SHANK2: variants seen among roughly 807,000 people sequenced by gnomAD.
The protein encoded by SHANK2 is SH3 and multiple ankyrin repeat domains 2.
SHANK2 carries 43 observed loss-of-function variants against 133.7 expected under a neutral mutation model. The observed-to-expected ratio is 0.32, with a 90% confidence interval of 0.25 to 0.41. SHANK2 has a LOEUF of 0.41. SHANK2 is among the 10% of genes least tolerant of loss of function. The pLI, the probability that SHANK2 is intolerant of heterozygous loss-of-function variation, is 1.00. For synonymous variants in SHANK2, 1,017 were observed against 952.8 expected (o/e 1.07, Z -1.24); for missense variants, 1,994 against 2,235.8 (o/e 0.89, Z 2.18).
chr11:70,928,883 T>C (rs562796060), intron 10 of SHANK2, among the ~76,000 whole-genome samples: 17 of 152,098 alleles, frequency 1.1e-4, no homozygotes, highest in African/African-American at 3.6e-4. Context: ...TGAAGAACGG[T>C]AGGGGGTGAC....
At chr11:71,219,883 G>A (rs1487939193) in intron 2 of SHANK2, among the ~76,000 whole-genome samples, 1 of 151,042 alleles carries the variant, frequency 6.6e-6, no homozygotes, top group Non-Finnish European at 1.5e-5. Context: ...GGGCAACAGA[G>A]CGAGACTCCA....
At chr11:70,600,282 G>A (rs1419083177) in intron 17 of SHANK2, among the ~76,000 whole-genome samples, 4 of 151,772 alleles carry the variant, frequency 2.6e-5, no homozygotes, top group East Asian at 1.9e-4. Flanking sequence ...AGCCGGGCGC[G>A]GTGGTGCAAA....
intron 15 of SHANK2, among the ~76,000 whole-genome samples, chr11:70,697,184 A>G (rs568921138): frequency 4.9e-4 from 74 of 152,218 alleles, no homozygotes; most frequent in Non-Finnish European, 1.0e-3. Flanking sequence ...CTGGAGCTGG[A>G]TGGTGGTGTT....
At chr11:70,788,894 T>C (rs535911834) in intron 14 of SHANK2, among the ~76,000 whole-genome samples, 1 of 152,122 alleles carries the variant, frequency 6.6e-6, no homozygotes, top group Non-Finnish European at 1.5e-5. Context: ...AGGAAACACA[T>C]GCCAGCCTCA....
At chr11:71,164,193 G>C (rs1953090658) in intron 2 of SHANK2, among the ~76,000 whole-genome samples, 1 of 152,168 alleles carries the variant, frequency 6.6e-6, no homozygotes, top group Non-Finnish European at 1.5e-5. Flanking sequence ...TGGCAGTCAA[G>C]ACTAGCCACT....
At chr11:70,653,098 G>T (rs952395673) in intron 17 of SHANK2, among the ~76,000 whole-genome samples, 1 of 150,724 alleles carries the variant, frequency 6.6e-6, no homozygotes, top group African/African-American at 2.4e-5. Flanking sequence ...CCAGCCTCCC[G>T]AGTAGCTGGG....
Position 70,684,256 on chromosome 11 carries a change from A to G in SHANK2, c.1853+14432T>C, listed in dbSNP as rs530382602. 3.0e-4 allele frequency among the ~76,000 whole-genome samples: 46 copies of G among 152,170 alleles called. 1 individual carries two copies. Among genetic ancestry groups the G allele is most frequent in the African/African-American group, 1.0e-3 (43 of 41,508 alleles). On this transcript the variant is annotated intron_variant, in intron 15 of 25. Transcript: ENST00000601538. ...TGAAAAATGGCTCCCAGAGCCTGAA[A>G]CCATGAAGGTTCAAAGGCACACTCC...
Position 71,118,886 on chromosome 11 carries a change from C to G in SHANK2, c.354G>C (p.Glu118Asp). The G allele has an allele frequency of 6.4e-7, 1 of 1,551,788 alleles. No individual in the cohort carries two copies. The highest frequency in any genetic ancestry group is 1.4e-5 in the African/African-American group (1 of 73,192). ...GTGGGTACTCGCGCAGGAGCCGCTC[C>G]TCATCCAGGAACTTGCCGTCACGCC... ...SNGRDGKFLD[E>D]ERLLREYPQP... Residue 118 changes from glutamate to aspartate, a missense_variant, in exon 4 of 26, where the codon GAG becomes GAC. Physicochemically the swap from Glu to Asp is conservative, Grantham distance 45 (BLOSUM62 2). Transcript: ENST00000601538.
chr11:70,661,750 G>A lies in SHANK2; in HGVS notation c.1854-72C>T, dbSNP rs368374581. ...TCATCACCGCGGCCGCTCCTCCGCC[G>A]GGGACGTTCATCATCATAGCCAATT... On this transcript the variant is annotated intron_variant, in intron 15 of 25. Transcript: ENST00000601538. 8.7e-6 allele frequency: 14 copies of A among 1,613,916 alleles called. No homozygotes were observed. In the South Asian group the frequency reaches 1.3e-4, roughly 15 times the overall value.
intron 1 of SHANK2, among the ~76,000 whole-genome samples, chr11:71,243,585 C>A (rs1258574344): frequency 1.3e-5 from 2 of 152,100 alleles, no homozygotes; most frequent in African/African-American, 2.4e-5. Context: ...GTGCCAGCTA[C>A]TCGGGAGGCT....
intron 2 of SHANK2, among the ~76,000 whole-genome samples, chr11:71,194,266 G>A (rs1348031375): frequency 1.3e-5 from 2 of 152,150 alleles, no homozygotes; most frequent in East Asian, 3.9e-4. Flanking sequence ...AGTTACTCAC[G>A]GGGACAACTA....
intron 2 of SHANK2, among the ~76,000 whole-genome samples, chr11:71,180,722 T>C (rs1273515114): frequency 6.6e-6 from 1 of 152,100 alleles, no homozygotes; most frequent in Non-Finnish European, 1.5e-5. Context: ...CCAATGTGGA[T>C]CAAATGAATT....
intron 22 of SHANK2, among the ~76,000 whole-genome samples, chr11:70,490,638 T>C (rs2058873280): frequency 1.3e-5 from 2 of 152,380 alleles, no homozygotes; most frequent in Admixed American, 1.3e-4. Context: ...CAGCATGCCC[T>C]GTTCCATGGA....
intron 3 of SHANK2, among the ~76,000 whole-genome samples, chr11:71,131,437 C>T (rs1307726306): frequency 6.6e-6 from 1 of 152,146 alleles, no homozygotes; most frequent in African/African-American, 2.4e-5. Flanking sequence ...GCTGTGGATT[C>T]GTTTTTCCAA....
intron 11 of SHANK2, among the ~76,000 whole-genome samples, chr11:70,821,361 C>A (rs570752844): frequency 2.0e-5 from 3 of 152,124 alleles, no homozygotes; most frequent in Non-Finnish European, 4.4e-5. Flanking sequence ...ACCAGCCCTG[C>A]GATGCCCTGA....
intron 17 of SHANK2, among the ~76,000 whole-genome samples, chr11:70,521,184 G>T (rs1416107993): frequency 6.6e-6 from 1 of 152,104 alleles, no homozygotes; most frequent in Non-Finnish European, 1.5e-5. Flanking sequence ...CTTTCTCTTT[G>T]CTGAAAATCT....
At chr11:70,854,297 T>C (rs1034726660) in intron 11 of SHANK2, among the ~76,000 whole-genome samples, 2 of 152,226 alleles carry the variant, frequency 1.3e-5, no homozygotes, top group Non-Finnish European at 2.9e-5. Flanking sequence ...AAGTTACCAA[T>C]GCTAAAAATG....
At chr11:71,116,487 C>T (rs913862334) in intron 4 of SHANK2, among the ~76,000 whole-genome samples, 8 of 152,212 alleles carry the variant, frequency 5.3e-5, no homozygotes, top group African/African-American at 1.2e-4. Flanking sequence ...CCCCGTCTTA[C>T]GGATCAGCCA....
intron 14 of SHANK2, among the ~76,000 whole-genome samples, chr11:70,702,107 CCAT>C (rs782311216): frequency 2.6e-5 from 4 of 151,316 alleles, no homozygotes; most frequent in Admixed American, 6.6e-5. Context: ...ATCTTCTTCA[CCAT>C]CATCACCACC....
Sources: gnomAD v4.1 joint callset for allele counts (sites outside exome capture counted in the v4.1 genomes callset) on GRCh38, gnomAD v4.1.1 for gene constraint, MANE v1.5 for transcripts, NCBI Gene and HGNC (gene_info 2026-07-23, HGNC 2026-07-21) for gene names.